CFAP54: variants seen among roughly 807,000 people sequenced by gnomAD.
CFAP54 encodes cilia and flagella associated protein 54, also known as cilia- and flagella-associated protein 54.
In CFAP54, 290 loss-of-function variants were observed where a neutral mutation model predicts 370.4. That is an observed-to-expected ratio of 0.78 (90% CI 0.71 to 0.86). The LOEUF is 0.86. Ranked by LOEUF, CFAP54 falls within the 40% of genes least tolerant of loss-of-function variation. The probability of loss-of-function intolerance (pLI) is 0.00; values close to 1 mark genes in which losing one functional copy is unlikely to be tolerated. For synonymous variants in CFAP54, 1,206 were observed against 1,236.5 expected, an observed-to-expected ratio of 0.98 and a Z score of 0.52; for missense variants, 3,399 against 3,528.7, an observed-to-expected ratio of 0.96 and a Z score of 0.93.
At chr12:96,744,416 C>A (rs1293681223) in intron 55 of CFAP54, among the ~76,000 whole-genome samples, 1 of 152,098 alleles carries the variant, frequency 6.6e-6, no homozygotes, top group Non-Finnish European at 1.5e-5. Context: ...TTATCCAGGT[C>A]ATCAGTCTTT....
At chr12:96,623,565 G>A (rs563201025) in intron 27 of CFAP54, among the ~76,000 whole-genome samples, 3 of 152,228 alleles carry the variant, frequency 2.0e-5, no homozygotes, top group East Asian at 3.9e-4. Context: ...GTCAATCTCC[G>A]TGAAACACAG....
chr12:96,575,343 ACTTT>A (rs963730971), intron 19 of CFAP54, among the ~76,000 whole-genome samples: 2 of 152,070 alleles, frequency 1.3e-5, no homozygotes, highest in Non-Finnish European at 2.9e-5. Flanking sequence ...CTGTCTTTTC[ACTTT>A]CTTAATGGTA....
intron 60 of CFAP54, among the ~76,000 whole-genome samples, chr12:96,772,309 C>T (rs1958470909): frequency 1.3e-5 from 2 of 152,104 alleles, no homozygotes; most frequent in African/African-American, 2.4e-5. Context: ...TCTTATTGGG[C>T]TAATTCAGGT....
Position 96,638,354 on chromosome 12 carries a change from G to T in CFAP54, c.4317-5824G>T, listed in dbSNP as rs529952441. 2.0e-5 allele frequency among the ~76,000 whole-genome samples: 3 copies of T among 151,010 alleles called. No individual in the cohort carries two copies. The East Asian group carries it at 5.8e-4, about 29-fold the overall frequency. On this transcript the variant is annotated intron_variant, in intron 32 of 67. Coordinates refer to ENST00000524981, the MANE Select transcript of CFAP54 (RefSeq NM_001306084.2). ...GCTTAAGCGCGATCCTCCTACTTCA[G>T]TCTCCTGAGTAGCTAGGACTGCAGG...
At chr12:96,840,285 T>C (rs1007869523) in intron 66 of CFAP54, among the ~76,000 whole-genome samples, 4 of 152,374 alleles carry the variant, frequency 2.6e-5, no homozygotes, top group African/African-American at 4.8e-5. Flanking sequence ...TGAAATAATC[T>C]ATGCAGTTTT....
At chr12:96,611,920 G>C (rs1320514741) in intron 26 of CFAP54, among the ~76,000 whole-genome samples, 1 of 152,218 alleles carries the variant, frequency 6.6e-6, no homozygotes, top group East Asian at 1.9e-4. Flanking sequence ...ACATCTGATT[G>C]GTGTACCTGA....
At chr12:96,810,454 C>T (rs144761892) in intron 63 of CFAP54, among the ~76,000 whole-genome samples, 52 of 152,104 alleles carry the variant, frequency 3.4e-4, no homozygotes, top group Non-Finnish European at 5.4e-4. Flanking sequence ...GAGTTTTTTC[C>T]TCCTCTTCTA....
chr12:96,853,931 C>G (rs1959626294), intron 66 of CFAP54, among the ~76,000 whole-genome samples: 1 of 151,574 alleles, frequency 6.6e-6, no homozygotes, highest in African/African-American at 2.4e-5. Flanking sequence ...CCAAAATGCT[C>G]TATTTGTATC....
intron 66 of CFAP54, among the ~76,000 whole-genome samples, chr12:96,852,847 G>A (rs1049250510): frequency 2.6e-4 from 40 of 152,182 alleles, no homozygotes; most frequent in South Asian, 1.9e-3. Context: ...CTTCAACAGA[G>A]TCCTATACTT....
chr12:96,784,824 A>G lies in CFAP54; in HGVS notation c.8389A>G (p.Thr2797Ala), dbSNP rs1209824982. ...AAAGACTCAGACCAAAGTGGATATT[A>G]CATGGATCCTTCTACTGCGCTACTA... The part of the protein sequence containing the change: ...RKKTQTKVDI[T>A]WILLLRYYIH... Residue 2797 changes from threonine to alanine, a missense_variant, in exon 61 of 68, where the codon ACA (threonine) becomes GCA (alanine). By Grantham distance (58) the Thr-to-Ala change is moderately conservative. This residue lies in a region of CFAP54 where 2,796 missense variants were observed against 2,869.7 expected (regional missense o/e 0.97). Coordinates refer to ENST00000524981, the MANE Select transcript of CFAP54 (RefSeq NM_001306084.2). The G allele has an allele frequency of 6.5e-7, 1 of 1,534,012 alleles. No individual in the cohort carries two copies. Among genetic ancestry groups the G allele is most frequent in the African/African-American group, 1.4e-5 (1 of 72,984 alleles).
chr12:96,649,490 C>T (rs1007617338), intron 34 of CFAP54, among the ~76,000 whole-genome samples: 2 of 152,166 alleles, frequency 1.3e-5, no homozygotes, highest in Non-Finnish European at 2.9e-5. Flanking sequence ...GCCGAGGTTG[C>T]TGCATTGCCT....
At chr12:96,620,946 G>A (rs1249908930) in intron 26 of CFAP54, among the ~76,000 whole-genome samples, 1 of 152,224 alleles carries the variant, frequency 6.6e-6, no homozygotes, top group African/African-American at 2.4e-5. Flanking sequence ...AAGGAGATGA[G>A]TGGTGGAAGA....
At chr12:96,811,087 G>A (rs997913843) in intron 63 of CFAP54, among the ~76,000 whole-genome samples, 2 of 152,032 alleles carry the variant, frequency 1.3e-5, no homozygotes, top group Non-Finnish European at 2.9e-5. Context: ...TGGCAGCTCT[G>A]GACAATAGCT....
chr12:96,811,985 T>G, intron 64 of CFAP54, 143 bp downstream of exon 64: 1 of 550,240 alleles, frequency 1.8e-6, no homozygotes, highest in East Asian at 3.3e-5. Flanking sequence ...AGAGGAATAT[T>G]ATATTGCAGT....
intron 60 of CFAP54, among the ~76,000 whole-genome samples, chr12:96,779,926 A>G (rs1028317944): frequency 4.6e-5 from 7 of 152,162 alleles, no homozygotes; most frequent in Middle Eastern, 6.8e-3. Context: ...TTTAAAATTT[A>G]TTTTGATGAC....
At chr12:96,508,608 A>C (rs1012114260) in intron 4 of CFAP54, among the ~76,000 whole-genome samples, 2 of 54,032 alleles carry the variant, frequency 3.7e-5, no homozygotes, top group African/African-American at 1.5e-4. Flanking sequence ...TTTTTTTTTT[A>C]AAAGATTATT....
intron 44 of CFAP54, among the ~76,000 whole-genome samples, chr12:96,693,502 T>A (rs1162187648): frequency 6.6e-6 from 1 of 152,216 alleles, no homozygotes; most frequent in Admixed American, 6.5e-5. Context: ...TGGCATCTAC[T>A]GGGAACTGTA....
chr12:96,602,983 A>T lies in CFAP54; in HGVS notation c.3639+4216A>T, dbSNP rs1956260857. Among the ~76,000 whole-genome samples, 4 of 152,166 alleles carry T rather than the reference A, an allele frequency of 2.6e-5. No individual in the cohort carries two copies. The South Asian group carries it at 6.2e-4, about 24-fold the overall frequency. ...TTAAGGTTAATATTGTTATGTGTGA[A>T]TTTGATCATGTCGTTACAATGCTAG... On this transcript the variant is annotated intron_variant, in intron 26 of 67. Transcript: ENST00000524981.
intron 26 of CFAP54, among the ~76,000 whole-genome samples, chr12:96,604,329 C>T (rs1007674724): frequency 2.0e-5 from 3 of 152,184 alleles, no homozygotes; most frequent in South Asian, 2.1e-4. Flanking sequence ...CTGGAAGCTT[C>T]GTTCCAGAGG....
Sources: gnomAD v4.1 joint callset for allele counts (sites outside exome capture counted in the v4.1 genomes callset) on GRCh38, gnomAD v4.1.1 for gene constraint, gnomAD v4.1.1 regional missense constraint, MANE v1.5 for transcripts, NCBI Gene and HGNC (gene_info 2026-07-23, HGNC 2026-07-21) for gene names.